Variants in PDZD2 observed in about 807,000 individuals in gnomAD.
The protein encoded by PDZD2 is PDZ domain-containing protein 2.
Under a neutral mutation model 220.7 loss-of-function variants are expected in PDZD2, and 90 were observed. The observed-to-expected ratio is 0.41, with a 90% CI of 0.34 to 0.49. The LOEUF (loss-of-function observed/expected upper bound fraction) is 0.49, where lower values mean the gene tolerates loss of function less well. Ranked by LOEUF, PDZD2 falls within the 20% of genes least tolerant of loss-of-function variation. The pLI, the probability that PDZD2 is intolerant of heterozygous loss-of-function variation, is 0.28. For missense variants in PDZD2, 3,174 were observed against 3,608.5 expected, an observed-to-expected ratio of 0.88 and a Z score of 3.08; for synonymous variants, 1,375 against 1,450.5, an observed-to-expected ratio of 0.95 and a Z score of 1.18.
intron 2 of PDZD2, among the ~76,000 whole-genome samples, chr5:31,870,785 A>G (rs1738720596): frequency 6.6e-6 from 1 of 151,500 alleles, no homozygotes; most frequent in African/African-American, 2.4e-5. Flanking sequence ...GCTACTCAGG[A>G]GGCTGAGGCA....
chr5:31,858,711 CCCTCCCTT>C (rs1181665890), intron 2 of PDZD2, among the ~76,000 whole-genome samples: 1 of 147,118 alleles, frequency 6.8e-6, no homozygotes, highest in African/African-American at 2.5e-5. Context: ...ATCCCTCCCT[CCCTCCCTT>C]CCTCCCTTCC....
chr5:31,900,379 G>T (rs996589325), intron 2 of PDZD2, among the ~76,000 whole-genome samples: 40 of 152,338 alleles, frequency 2.6e-4, no homozygotes, highest in African/African-American at 9.1e-4. Context: ...AGACCAAATT[G>T]TGAAGAGCTC....
At chr5:31,738,237 T>C (rs571084124) in intron 1 of PDZD2, 3 of 152,308 alleles carry the variant, frequency 2.0e-5, no homozygotes, top group Non-Finnish European at 2.9e-5. Context: ...TAACGGAAAT[T>C]CTTCACCTGC....
intron 2 of PDZD2, among the ~76,000 whole-genome samples, chr5:31,940,955 C>T (rs1746162335): frequency 6.6e-6 from 1 of 151,946 alleles, no homozygotes; most frequent in Admixed American, 6.5e-5. Flanking sequence ...CCCCATGCCC[C>T]CCCACCAAAA....
chr5:31,646,348 G>A lies in PDZD2; in HGVS notation c.-361+6911G>A, dbSNP rs1244389502. Among the ~76,000 whole-genome samples the A allele has an allele frequency of 3.9e-5, 6 of 151,984 alleles. No individual in the cohort carries two copies. The highest frequency in any genetic ancestry group is 8.8e-5 in the Non-Finnish European group (6 of 68,018). ...CCCCTTACCCCTGAGGAATTCCAGG[G>A]ACTGAGCCACCACAAATGTCTTCAG... is the stretch of plus-strand genomic sequence containing the variant. On this transcript the variant is annotated intron_variant, in intron 1 of 24. Transcript: ENST00000438447. The surrounding 1 kb of genome is among the most constrained non-coding windows in gnomAD (Gnocchi z 4.7).
At position 32,093,772 on chromosome 5, in the gene PDZD2, G is replaced by A. The variant is rs1157142610; in HGVS notation, c.7845+748G>A. On this transcript the variant is annotated intron_variant, in intron 21 of 24. Coordinates refer to ENST00000438447, the MANE Select transcript of PDZD2 (RefSeq NM_178140.4). ...GCGGGCAGATCACTTGAGGTCAGGA[G>A]TTCAAGACCAGCCTGGCCAATATGG... 5.9e-5 allele frequency among the ~76,000 whole-genome samples: 9 copies of A among 152,282 alleles called. No homozygotes were observed. In the East Asian group the frequency reaches 1.7e-3, roughly 29 times the overall value.
rs141207553 is a variant in PDZD2 at position 32,097,379 on chromosome 5, C to T, written c.7946C>T (p.Thr2649Met). Reference protein sequence around the residue: ...GGTDVEPKSITVHRVFSQGAA... With the variant: ...GGTDVEPKSIMVHRVFSQGAA... ...ACAGATGTGGAGCCAAAATCAATCA[C>T]GGTAAGTGACAGAGTCATTAGGCTC... is the stretch of plus-strand genomic sequence containing the variant. The change falls in exon 22 of 25, where the codon ACG (threonine) becomes ATG (methionine). Residue 2649 changes from threonine (T) to methionine (M), a missense_variant and splice_region_variant. Physicochemically the swap from Thr to Met is moderately conservative, Grantham distance 81. This residue lies in a region of PDZD2 where 631 missense variants were observed against 789.9 expected (regional missense o/e 0.80). Transcript: ENST00000438447. 3.4e-5 allele frequency: 53 copies of T among 1,581,322 alleles called. No homozygotes were observed. Among genetic ancestry groups the T allele is most frequent in the South Asian group, 1.1e-4 (10 of 90,388 alleles).
chr5:32,080,896 A>C (rs527742663), intron 19 of PDZD2, among the ~76,000 whole-genome samples: 1 of 152,170 alleles, frequency 6.6e-6, no homozygotes, highest in South Asian at 2.1e-4. Flanking sequence ...AGGGAAGGGA[A>C]CATCACACAC....
At position 32,073,945 on chromosome 5, in the gene PDZD2, G is replaced by A. The variant is rs384728; in HGVS notation, c.2839G>A (p.Gly947Arg). The part of the protein sequence containing the change: ...VTVARQASLP[G>R]SPQALRNPLL... ...AGTTGCCAGACAAGCCAGTCTCCCC[G>A]GAAGCCCACAGGCCCTCCGAAACCC... The change falls in exon 18 of 25, where the codon GGA (glycine) becomes AGA (arginine). Residue 947 changes from glycine (G) to arginine (R), a missense_variant. Around this residue, in one of 4 missense-constraint regions of PDZD2, gnomAD observed 1,861 missense variants for 2,001.0 expected, o/e 0.93. Coordinates refer to ENST00000438447, the MANE Select transcript of PDZD2 (RefSeq NM_178140.4). 2.2e-5 allele frequency: 35 copies of A among 1,614,116 alleles called. No homozygotes were observed. Among genetic ancestry groups the A allele is most frequent in the East Asian group, 4.5e-5 (2 of 44,870 alleles).
chr5:31,693,531 C>T (rs373044481), intron 1 of PDZD2, among the ~76,000 whole-genome samples: 2 of 150,568 alleles, frequency 1.3e-5, no homozygotes, highest in South Asian at 2.1e-4. Context: ...TGAGCTACCG[C>T]GCCTGGCCGA....
At chr5:31,893,931 G>A (rs1561548571) in intron 2 of PDZD2, among the ~76,000 whole-genome samples, 1 of 151,860 alleles carries the variant, frequency 6.6e-6, no homozygotes, top group Non-Finnish European at 1.5e-5. Flanking sequence ...TTTCACTCTT[G>A]TAGCCCAGGC....
At chr5:31,809,686 C>G (rs1050261013) in intron 2 of PDZD2, among the ~76,000 whole-genome samples, 7 of 152,190 alleles carry the variant, frequency 4.6e-5, no homozygotes, top group Admixed American at 2.0e-4. Flanking sequence ...TTTCAGAAAA[C>G]TGGCAAACTT....
intron 1 of PDZD2, among the ~76,000 whole-genome samples, chr5:31,750,702 C>T (rs954478654): frequency 9.9e-5 from 15 of 152,214 alleles, no homozygotes; most frequent in African/African-American, 3.6e-4. Context: ...GGCAGGGGCA[C>T]TTTTCCTGTA....
Position 31,983,593 on chromosome 5 carries a change from T to C in PDZD2, c.915T>C (p.Asn305=). The C allele has an allele frequency of 6.2e-7, 1 of 1,614,118 alleles. No homozygotes were observed. The highest frequency in any genetic ancestry group is 1.1e-5 in the South Asian group (1 of 91,078). The part of the protein sequence containing the change: ...PKTDAPLTTS[N]DKRRFSKGGK... ...CAGATGCTCCTCTGACCACAAGCAATGACAAACGCCGCTTCTCAAAAGGTG... is the reference window on the plus strand; with the variant it reads ...CAGATGCTCCTCTGACCACAAGCAACGACAAACGCCGCTTCTCAAAAGGTG... Residue 305 remains asparagine, a synonymous_variant, in exon 3 of 25, where the codon AAT becomes AAC. Coordinates refer to ENST00000438447, the MANE Select transcript of PDZD2 (RefSeq NM_178140.4).
At chr5:31,909,834 G>T (rs1273267384) in intron 2 of PDZD2, among the ~76,000 whole-genome samples, 1 of 152,042 alleles carries the variant, frequency 6.6e-6, no homozygotes, top group Non-Finnish European at 1.5e-5. Flanking sequence ...AGTTTTAAGG[G>T]TGTATTGCGT....
chr5:31,866,813 A>C lies in PDZD2; in HGVS notation c.476+67089A>C, dbSNP rs1222140952. Among the ~76,000 whole-genome samples the C allele has an allele frequency of 2.0e-5, 3 of 152,328 alleles. No individual in the cohort carries two copies. In the East Asian group the frequency reaches 5.8e-4, roughly 29 times the overall value. On this transcript the variant is annotated intron_variant, in intron 2 of 24. Coordinates refer to ENST00000438447, the MANE Select transcript of PDZD2 (RefSeq NM_178140.4). ...ATCAGTGTCAGTTCATTCGTGCAGT[A>C]AGCAATTACTGAGTGCCAGTTACAG...
chr5:31,933,021 A>G (rs1169641569), intron 2 of PDZD2, among the ~76,000 whole-genome samples: 1 of 151,314 alleles, frequency 6.6e-6, no homozygotes, highest in Non-Finnish European at 1.5e-5. Context: ...AGTGATTCTC[A>G]TGCCTCATCC....
chr5:31,986,347 T>C (rs971346043), intron 3 of PDZD2, among the ~76,000 whole-genome samples: 5 of 152,208 alleles, frequency 3.3e-5, no homozygotes, highest in Admixed American at 6.5e-5. Flanking sequence ...CGGGTCATAC[T>C]TTTTGTCTTG....
intron 1 of PDZD2, chr5:31,787,604 T>G (rs1223322934): frequency 6.7e-6 from 1 of 149,334 alleles, no homozygotes; most frequent in African/African-American, 2.4e-5. Context: ...TCCATTTCAT[T>G]CATTTTTTTT....
Sources: allele counts gnomAD v4.1 joint callset (sites outside exome capture counted in the v4.1 genomes callset), GRCh38; gene constraint gnomAD v4.1.1; regional missense constraint gnomAD v4.1.1; non-coding constraint Gnocchi (gnomAD v3.1); transcripts MANE v1.5; gene names NCBI Gene and HGNC (gene_info 2026-07-23, HGNC 2026-07-21).